Variants in SEC24A observed in about 807,000 individuals in gnomAD.
SEC24A encodes the protein protein transport protein Sec24A.
In SEC24A, 93 loss-of-function variants were observed where a neutral mutation model predicts 129.4. The ratio of observed to expected loss-of-function variants is 0.72; its 90% confidence interval spans 0.61 to 0.85. The LOEUF is 0.85. SEC24A is among the 40% of genes least tolerant of loss of function. The pLI is 0.00. For synonymous variants in SEC24A, 460 were observed against 467.3 expected, an observed-to-expected ratio of 0.98 and a Z score of 0.20; for missense variants, 1,264 against 1,307.4, an observed-to-expected ratio of 0.97 and a Z score of 0.51.
intron 2 of SEC24A, among the ~76,000 whole-genome samples, chr5:134,665,315 G>A (rs1027767981): frequency 3.3e-5 from 5 of 151,004 alleles, no homozygotes; most frequent in Non-Finnish European, 5.9e-5. Flanking sequence ...TTAGCCGGGC[G>A]TGGTGGCGCG....
At position 134,727,239 on chromosome 5, in the gene SEC24A, TA is replaced by T. The variant is rs1408738839; in HGVS notation, c.*2146del. 3 of 152,600 alleles carry T rather than the reference TA, an allele frequency of 2.0e-5. No homozygotes were observed. The highest frequency in any genetic ancestry group is 4.4e-5 in the Non-Finnish European group (3 of 68,012). 9.5% of individuals were successfully genotyped at this position (152,600 alleles called of 1,614,324 possible). A position where few individuals can be genotyped will look rare whatever the true frequency, so the allele number is the denominator to read the frequency against. ...AGCGACTAATATTTACACTATGCCA[TA>T]TTTTTTTTAATTATAGTTGTAAATT... On this transcript the variant is annotated 3_prime_UTR_variant, in exon 23 of 23. Coordinates refer to ENST00000398844, the MANE Select transcript of SEC24A (RefSeq NM_021982.3).
chr5:134,675,336 A>C (rs1054755432), intron 6 of SEC24A, 119 bp downstream of exon 6: 3 of 727,708 alleles, frequency 4.1e-6, no homozygotes, highest in Non-Finnish European at 6.6e-6. Flanking sequence ...TTCTGGATAC[A>C]GATGATAGAA....
chr5:134,657,519 A>T (rs1396706846), intron 1 of SEC24A, among the ~76,000 whole-genome samples: 1 of 152,116 alleles, frequency 6.6e-6, no homozygotes, highest in Non-Finnish European at 1.5e-5. Flanking sequence ...GTTTTTAAAA[A>T]TTTGAGTAAT....
rs186247907 is a variant in SEC24A at position 134,680,865 on chromosome 5, C to T, written c.1381+1137C>T. 7.8e-3 allele frequency among the ~76,000 whole-genome samples: 1,179 copies of T among 152,022 alleles called. 13 individuals carry two copies. Among genetic ancestry groups the T allele is most frequent in the African/African-American group, 0.027 (1,107 of 41,480 alleles). On this transcript the variant is annotated intron_variant, in intron 8 of 22. Transcript: ENST00000398844. ...CTCTAATCTCAGCACTTTGGGAGGC[C>T]GAGGCGGTGGATCACCTGAGGTCAG...
intron 11 of SEC24A, among the ~76,000 whole-genome samples, chr5:134,689,196 A>T (rs947652359): frequency 6.6e-6 from 1 of 152,214 alleles, no homozygotes; most frequent in African/African-American, 2.4e-5. Flanking sequence ...CTAGATGTGG[A>T]AACATTAGAA....
intron 8 of SEC24A, among the ~76,000 whole-genome samples, chr5:134,680,096 G>T (rs1751213277): frequency 6.6e-6 from 1 of 152,120 alleles, no homozygotes. Flanking sequence ...CAGAATAGCT[G>T]CCCAATTCAT....
chr5:134,705,246 G>A, intron 16 of SEC24A, 81 bp from the exon 17 acceptor site: 1 of 1,080,426 alleles, frequency 9.3e-7, no homozygotes. Flanking sequence ...CAGCTAAGAA[G>A]TGATTTTTCC....
chr5:134,657,777 A>G (rs973769221), intron 1 of SEC24A, among the ~76,000 whole-genome samples: 10 of 152,064 alleles, frequency 6.6e-5, no homozygotes, highest in Admixed American at 1.3e-4. Flanking sequence ...AGGTCTCACT[A>G]TATTACCCAG....
Position 134,698,071 on chromosome 5 carries a change from T to C in SEC24A, c.2266+14T>C. Reference sequence around the variant, plus strand: ...GGTGCACCAAAGGTAGGAATATTTTTTTTTTGCGTAGGACTGAATAATATT... The same window carrying C: ...GGTGCACCAAAGGTAGGAATATTTTCTTTTTGCGTAGGACTGAATAATATT... On this transcript the variant is annotated intron_variant, in intron 15 of 22. Coordinates refer to ENST00000398844, the MANE Select transcript of SEC24A (RefSeq NM_021982.3). 6.2e-7 allele frequency: 1 copy of C among 1,600,152 alleles called. No homozygotes were observed. The highest frequency in any genetic ancestry group is 8.5e-7 in the Non-Finnish European group (1 of 1,175,800).
intron 1 of SEC24A, among the ~76,000 whole-genome samples, chr5:134,654,108 A>G (rs1038728842): frequency 6.6e-6 from 1 of 151,940 alleles, no homozygotes; most frequent in Non-Finnish European, 1.5e-5. Context: ...GCAATGAGCC[A>G]TGATCATGCC....
intron 22 of SEC24A, among the ~76,000 whole-genome samples, chr5:134,724,236 C>G (rs534496377): frequency 6.6e-6 from 1 of 152,302 alleles, no homozygotes; most frequent in African/African-American, 2.4e-5. Flanking sequence ...GTTTGTCTCT[C>G]TGTGCCTGGT....
chr5:134,660,765 C>T (rs1318029800), intron 1 of SEC24A, among the ~76,000 whole-genome samples: 1 of 152,066 alleles, frequency 6.6e-6, no homozygotes, highest in Non-Finnish European at 1.5e-5. Flanking sequence ...CCATGTTGCC[C>T]AGGCTGGTCT....
chr5:134,700,719 C>CT (rs1339883132), intron 15 of SEC24A, among the ~76,000 whole-genome samples: 1 of 150,480 alleles, frequency 6.6e-6, no homozygotes, highest in African/African-American at 2.4e-5. Context: ...ATTTTTTTTA[C>CT]TTTATTTTTT....
At chr5:134,711,081 A>G (rs1436201765) in intron 18 of SEC24A, among the ~76,000 whole-genome samples, 6 of 152,174 alleles carry the variant, frequency 3.9e-5, no homozygotes, top group African/African-American at 1.4e-4. Flanking sequence ...GGTTGCAGTG[A>G]GCTGAGATTG....
chr5:134,697,530 G>A (rs1439781215), intron 14 of SEC24A, among the ~76,000 whole-genome samples: 1 of 152,064 alleles, frequency 6.6e-6, no homozygotes, highest in African/African-American at 2.4e-5. Flanking sequence ...CTTGAGCCCA[G>A]GAGTTTGAGA....
chr5:134,653,798 C>T (rs182665799), intron 1 of SEC24A, among the ~76,000 whole-genome samples: 1 of 152,062 alleles, frequency 6.6e-6, no homozygotes, highest in Non-Finnish European at 1.5e-5. Flanking sequence ...GAGGTCAAGA[C>T]TGCAGTGAGC....
At chr5:134,721,549 G>A (rs1192335184) in intron 21 of SEC24A, among the ~76,000 whole-genome samples, 2 of 137,372 alleles carry the variant, frequency 1.5e-5, no homozygotes, top group African/African-American at 5.5e-5. Context: ...GCAACAGAGT[G>A]AGACTCCATC....
chr5:134,714,491 A>C (rs1309306495), intron 18 of SEC24A, among the ~76,000 whole-genome samples: 2 of 152,240 alleles, frequency 1.3e-5, no homozygotes, highest in Non-Finnish European at 2.9e-5. Context: ...CATACTCTTT[A>C]TGAGAATCTA....
chr5:134,650,603 T>C (rs1352689205), intron 1 of SEC24A, among the ~76,000 whole-genome samples: 1 of 151,684 alleles, frequency 6.6e-6, no homozygotes, highest in Non-Finnish European at 1.5e-5. Context: ...GGTGGTGATC[T>C]TGGCTCACTG....
Sources: allele counts gnomAD v4.1 joint callset (sites outside exome capture counted in the v4.1 genomes callset), GRCh38; gene constraint gnomAD v4.1.1; transcripts MANE v1.5; gene names NCBI Gene and HGNC (gene_info 2026-07-23, HGNC 2026-07-21).